DIP2C: variants seen among roughly 807,000 people sequenced by gnomAD.
The protein encoded by DIP2C is disco-interacting protein 2 homolog C.
In DIP2C, 33 loss-of-function variants were observed where a neutral mutation model predicts 192.4. The observed-to-expected ratio is 0.17, with a 90% CI of 0.13 to 0.23. The LOEUF (loss-of-function observed/expected upper bound fraction) is 0.23. DIP2C is among the 10% of genes least tolerant of loss of function. The pLI is 1.00. For synonymous variants in DIP2C, 979 were observed against 864.1 expected (o/e 1.13, Z -2.33); for missense variants, 1,537 against 2,110.1 (o/e 0.73, Z 5.32).
At chr10:471,303 A>C (rs1261460200) in intron 3 of DIP2C, among the ~76,000 whole-genome samples, 1 of 152,088 alleles carries the variant, frequency 6.6e-6, no homozygotes, top group Non-Finnish European at 1.5e-5. Context: ...CAGAGCCAGG[A>C]GGCCAGGCAG....
chr10:337,073 T>TG (rs374638763), intron 29 of DIP2C, among the ~76,000 whole-genome samples: 51 of 71,444 alleles, frequency 7.1e-4, no homozygotes, highest in African/African-American at 8.3e-4. Context: ...TGTGTGTGTG[T>TG]TGTGGAGGCC....
chr10:469,420 G>C (rs1159193076), intron 3 of DIP2C, among the ~76,000 whole-genome samples: 2 of 150,960 alleles, frequency 1.3e-5, no homozygotes, highest in African/African-American at 4.9e-5. Flanking sequence ...GGGTTCAAGA[G>C]ATTCTCCCAC....
intron 17 of DIP2C, among the ~76,000 whole-genome samples, chr10:378,535 A>G (rs547215833): frequency 2.0e-5 from 3 of 152,102 alleles, no homozygotes; most frequent in Admixed American, 6.5e-5. Context: ...GCACAAAGAC[A>G]CATGTGAACA....
intron 30 of DIP2C, among the ~76,000 whole-genome samples, chr10:328,120 ACAAGGGTCCTGAG>A (rs966257626): frequency 1.3e-5 from 2 of 152,210 alleles, no homozygotes; most frequent in Non-Finnish European, 2.9e-5. Flanking sequence ...CGGACAACCG[ACAAGGGTCCTGAG>A]CAAGGAGGAC....
At chr10:468,882 T>C (rs1970418681) in intron 3 of DIP2C, among the ~76,000 whole-genome samples, 1 of 152,268 alleles carries the variant, frequency 6.6e-6, no homozygotes, top group Admixed American at 6.5e-5. Context: ...CTTCAAGGAC[T>C]GTCTTCCTAA....
At chr10:603,353 G>C (rs568367442) in intron 1 of DIP2C, among the ~76,000 whole-genome samples, 1 of 133,036 alleles carries the variant, frequency 7.5e-6, no homozygotes, top group South Asian at 2.4e-4. Flanking sequence ...AGATTTTGCT[G>C]CTTCATACTA....
At chr10:567,695 T>TGG (rs1417443783) in intron 1 of DIP2C, among the ~76,000 whole-genome samples, 1 of 152,208 alleles carries the variant, frequency 6.6e-6, no homozygotes, top group Admixed American at 6.5e-5. Context: ...TGGAATGCAG[T>TGG]GGTGTGATCT....
intron 28 of DIP2C, among the ~76,000 whole-genome samples, chr10:344,250 G>T (rs1958304074): frequency 6.6e-6 from 1 of 152,116 alleles, no homozygotes; most frequent in Non-Finnish European, 1.5e-5. Context: ...TCATATTGTA[G>T]CTACTTTGGT....
chr10:684,007 C>A (rs899754837), intron 1 of DIP2C, among the ~76,000 whole-genome samples: 1 of 152,246 alleles, frequency 6.6e-6, no homozygotes, highest in African/African-American at 2.4e-5. Flanking sequence ...GAGCGGGAAG[C>A]GCGTGGCTCG....
intron 1 of DIP2C, among the ~76,000 whole-genome samples, chr10:486,976 A>C (rs1412642969): frequency 1.3e-5 from 2 of 152,258 alleles, no homozygotes; most frequent in African/African-American, 4.8e-5. Context: ...GTCGGTCACA[A>C]GGACTTGAAG....
intron 1 of DIP2C, among the ~76,000 whole-genome samples, chr10:499,255 G>C (rs816602): frequency 0.82 from 124,267 of 152,118 alleles, 53,397 homozygotes; most frequent in Non-Finnish European, 0.94. Context: ...CTGACTGGCT[G>C]CTCGTTGGCA....
intron 1 of DIP2C, among the ~76,000 whole-genome samples, chr10:645,870 G>C (rs537336416): frequency 2.4e-4 from 37 of 152,274 alleles, no homozygotes; most frequent in Admixed American, 1.6e-3. Context: ...TGACCACTAG[G>C]ACATAAACCC....
chr10:552,899 C>G (rs957422459), intron 1 of DIP2C, among the ~76,000 whole-genome samples: 1 of 152,230 alleles, frequency 6.6e-6, no homozygotes, highest in Non-Finnish European at 1.5e-5. Flanking sequence ...GCCATCTCCA[C>G]GGAGTGGACA....
intron 1 of DIP2C, among the ~76,000 whole-genome samples, chr10:615,525 A>G (rs1416337173): frequency 1.3e-5 from 2 of 151,964 alleles, no homozygotes; most frequent in Non-Finnish European, 2.9e-5. Context: ...CCAGACTTCA[A>G]CTCTCAGGGT....
chr10:626,464 C>T (rs1854209800), intron 1 of DIP2C, among the ~76,000 whole-genome samples: 1 of 151,746 alleles, frequency 6.6e-6, no homozygotes, highest in Non-Finnish European at 1.5e-5. Flanking sequence ...CCGGAGTTAC[C>T]CTCCGTCCCC....
intron 1 of DIP2C, among the ~76,000 whole-genome samples, chr10:589,968 G>A (rs191423703): frequency 1.8e-4 from 27 of 152,360 alleles, no homozygotes; most frequent in Non-Finnish European, 2.4e-4. Context: ...ATAAATCACC[G>A]TATCAAGATT....
chr10:503,856 A>T (rs1306328568), intron 1 of DIP2C, among the ~76,000 whole-genome samples: 1 of 152,230 alleles, frequency 6.6e-6, no homozygotes, highest in African/African-American at 2.4e-5. Flanking sequence ...TGCCGCCTAC[A>T]TCAGACGTTT....
At chr10:605,880 G>C (rs1328747862) in intron 1 of DIP2C, among the ~76,000 whole-genome samples, 5 of 152,228 alleles carry the variant, frequency 3.3e-5, no homozygotes, top group African/African-American at 1.2e-4. Context: ...GAGACTCTCA[G>C]GAGAGCAGAA....
intron 1 of DIP2C, among the ~76,000 whole-genome samples, chr10:562,210 AAC>A (rs1398617464): frequency 2.0e-5 from 3 of 152,238 alleles, no homozygotes; most frequent in South Asian, 2.1e-4. Context: ...TCTGATGTTT[AAC>A]ACACACAGAG....
Sources: gnomAD v4.1 joint callset for allele counts (sites outside exome capture counted in the v4.1 genomes callset) on GRCh38, gnomAD v4.1.1 for gene constraint, MANE v1.5 for transcripts, NCBI Gene and HGNC (gene_info 2026-07-23, HGNC 2026-07-21) for gene names.